PKD1L3: variants seen among roughly 807,000 people sequenced by gnomAD.
PKD1L3 encodes the protein polycystin-1-like protein 3.
A neutral mutation model predicts 184.1 loss-of-function variants in PKD1L3; 239 were observed. That is an observed-to-expected ratio of 1.30 (90% CI 1.17 to 1.45). PKD1L3 has a LOEUF of 1.45. PKD1L3 is among the 40% of genes most tolerant of loss of function. The pLI is 0.00. For synonymous variants in PKD1L3, 996 were observed against 778.8 expected, an observed-to-expected ratio of 1.28 and a Z score of -4.64; for missense variants, 2,660 against 2,067.2, an observed-to-expected ratio of 1.29 and a Z score of -5.56.
intron 12 of PKD1L3, among the ~76,000 whole-genome samples, chr16:71,970,492 T>A (rs893476639): frequency 8.5e-5 from 13 of 152,176 alleles, no homozygotes; most frequent in African/African-American, 3.1e-4. Flanking sequence ...GGCAAACTGA[T>A]TGAATTCTAT....
rs1460926634 is a variant in PKD1L3 at position 71,986,394 on chromosome 16, C to CA, written c.660_661insT (p.Ala221CysfsTer3). The CA allele has an allele frequency of 6.4e-7, 1 of 1,551,636 alleles. No homozygotes were observed. Among genetic ancestry groups the CA allele is most frequent in the African/African-American group, 1.4e-5 (1 of 73,028 alleles). ...AGAGGCTGGCTGCTGGGTTCAGATG[C>CA]GGCTGATGTTACCTGTGATGTGATA... On this transcript the variant is annotated frameshift_variant, in exon 5 of 30. Transcript: ENST00000620267. LOFTEE classifies it high-confidence loss of function.
At chr16:71,985,976 A>C (rs2040344696) in intron 5 of PKD1L3, among the ~76,000 whole-genome samples, 1 of 152,208 alleles carries the variant, frequency 6.6e-6, no homozygotes, top group African/African-American at 2.4e-5. Context: ...AGGTGAACAG[A>C]ACTTCTTCCC....
At chr16:71,931,371 A>G (rs1275153180) in intron 28 of PKD1L3, among the ~76,000 whole-genome samples, 1 of 151,810 alleles carries the variant, frequency 6.6e-6, no homozygotes, top group Non-Finnish European at 1.5e-5. Flanking sequence ...CAGGGCCCCC[A>G]CAGGTACCAA....
At chr16:71,943,552 A>AAAAC (rs1555514250) in intron 23 of PKD1L3, among the ~76,000 whole-genome samples, 8 of 151,784 alleles carry the variant, frequency 5.3e-5, no homozygotes, top group African/African-American at 1.7e-4. Flanking sequence ...AAAAAAAAAA[A>AAAAC]AAAAAACATA....
chr16:71,983,445 C>T (rs1210280086), intron 6 of PKD1L3, among the ~76,000 whole-genome samples: 3 of 152,174 alleles, frequency 2.0e-5, no homozygotes, highest in Admixed American at 6.6e-5. Context: ...ATGTGTTCCA[C>T]TGAATGCCGA....
In PKD1L3 at chr16:71,949,972, C is replaced by A. The variant is rs566227303; in HGVS notation, c.3429G>T (p.Lys1143Asn). The A allele has an allele frequency of 6.0e-5, 93 of 1,551,462 alleles. No homozygotes were observed. The highest frequency in any genetic ancestry group is 4.4e-5 in the Non-Finnish European group (50 of 1,147,012). ...FAILSSEEGK[K>N]PISNGLSKWL... ...ATTTGGACAGGCCATTTGAGATGGGCTTTTTTCCTTCTTCTGAGCTCAGGA... is the reference window on the plus strand; with the variant it reads ...ATTTGGACAGGCCATTTGAGATGGGATTTTTTCCTTCTTCTGAGCTCAGGA... Residue 1143 changes from lysine (K) to asparagine (N), a missense_variant, in exon 21 of 30, where the codon AAG becomes AAT. By Grantham distance (94) the Lys-to-Asn change is moderately conservative. Transcript: ENST00000620267.
intron 22 of PKD1L3, among the ~76,000 whole-genome samples, chr16:71,947,128 G>A (rs1229318944): frequency 6.6e-6 from 1 of 152,008 alleles, no homozygotes. Flanking sequence ...CATGGTGGCA[G>A]AGGCCTGTAA....
At chr16:71,988,120 T>A (rs533370848) in intron 4 of PKD1L3, among the ~76,000 whole-genome samples, 2 of 152,292 alleles carry the variant, frequency 1.3e-5, no homozygotes, top group South Asian at 4.1e-4. Context: ...GATCAACCAT[T>A]CTGTTGAGAA....
chr16:71,982,227 G>T lies in PKD1L3; in HGVS notation c.975C>A (p.Leu325=). 1.4e-6 allele frequency: 2 copies of T among 1,479,546 alleles called. No homozygotes were observed. The highest frequency in any genetic ancestry group is 1.8e-6 in the Non-Finnish European group (2 of 1,103,674). 91.7% of individuals were successfully genotyped at this position (1,479,546 alleles called of 1,614,324 possible). The part of the protein sequence containing the change: ...PRFSKPAQVN[L]INSLIYLSEE... Reference sequence around the variant, plus strand: ...CACTCAGGTAAATAAGGGAATTGATGAGATTAACCTGGGAGGATTAGAAAG... The same window carrying T: ...CACTCAGGTAAATAAGGGAATTGATTAGATTAACCTGGGAGGATTAGAAAG... Residue 325 remains leucine (L), a synonymous_variant, in exon 7 of 30, where the codon CTC becomes CTA. Transcript: ENST00000620267.
intron 5 of PKD1L3, among the ~76,000 whole-genome samples, chr16:71,985,845 C>T (rs867612054): frequency 3.3e-5 from 5 of 152,098 alleles, no homozygotes; most frequent in African/African-American, 4.8e-5. Context: ...GGATTATAGG[C>T]GTGACTCAGT....
intron 11 of PKD1L3, among the ~76,000 whole-genome samples, chr16:71,974,921 C>T (rs1018684283): frequency 3.2e-5 from 2 of 62,486 alleles, no homozygotes; most frequent in African/African-American, 1.1e-4. Flanking sequence ...ATGCTTTCTC[C>T]ATTCAGATTT....
intron 23 of PKD1L3, among the ~76,000 whole-genome samples, 193 bp downstream of exon 23, chr16:71,943,837 C>A (rs2038456065): frequency 6.6e-6 from 1 of 152,192 alleles, no homozygotes; most frequent in Non-Finnish European, 1.5e-5. Flanking sequence ...CACAATAAAA[C>A]CTCTAGACTC....
intron 7 of PKD1L3, 145 bp from the exon 8 acceptor site, chr16:71,980,279 A>C: frequency 1.4e-5 from 16 of 1,151,666 alleles, no homozygotes; most frequent in Non-Finnish European, 1.8e-5. Flanking sequence ...TTGGAATCTC[A>C]CAGAAAGTAC....
At chr16:71,957,493 A>G (rs1234805244) in intron 16 of PKD1L3, among the ~76,000 whole-genome samples, 1 of 152,158 alleles carries the variant, frequency 6.6e-6, no homozygotes, top group Non-Finnish European at 1.5e-5. Context: ...TGAAGACACA[A>G]ATGAATTGAA....
chr16:71,937,331 G>T lies in PKD1L3; in HGVS notation c.4413C>A (p.Val1471=). 2 of 1,551,574 alleles carry T rather than the reference G, an allele frequency of 1.3e-6. No homozygotes were observed. Among genetic ancestry groups the T allele is most frequent in the South Asian group, 2.4e-5 (2 of 84,034 alleles). Residue 1471 remains valine, a synonymous_variant, in exon 25 of 30, where the codon GTC becomes GTA. Transcript: ENST00000620267. ...KGCVWSIISQ[V]IYYLLVCYYA... ...AGTAACAGACCAGTAGATAATAGAT[G>T]ACTTGTGAGATGATAGACCAGACAC...
chr16:71,939,494 A>G (rs1320244164), intron 24 of PKD1L3, among the ~76,000 whole-genome samples: 1 of 152,244 alleles, frequency 6.6e-6, no homozygotes, highest in African/African-American at 2.4e-5. Context: ...CTTGTAGGTA[A>G]AAAAGACATT....
intron 9 of PKD1L3, among the ~76,000 whole-genome samples, chr16:71,979,449 AACAAAACAAAACAAAACAAG>A (rs763886004): frequency 8.8e-4 from 131 of 148,612 alleles, no homozygotes; most frequent in Admixed American, 1.1e-3. Flanking sequence ...ATCTCAACAA[AACAAAACAAAACAAAACAAG>A]ACAAAACAAA....
intron 16 of PKD1L3, among the ~76,000 whole-genome samples, chr16:71,960,618 T>A (rs895416362): frequency 2.6e-5 from 4 of 152,092 alleles, no homozygotes; most frequent in African/African-American, 9.7e-5. Flanking sequence ...ATAAAATATG[T>A]CTATACGGTA....
At position 71,943,016 on chromosome 16, in the gene PKD1L3, G is replaced by A. The variant is rs760295040; in HGVS notation, c.3868C>T (p.Leu1290Phe). ...KLTGDILVQILFLTLLMTAIY... is the reference protein window; with the variant it reads ...KLTGDILVQIFFLTLLMTAIY... ...GCAGTCATCAACAGGGTAAGGAAGA[G>A]GATTTGTACTTGTTTAGAAGAGGAA... The change falls in exon 24 of 30, where the codon CTC (leucine) becomes TTC (phenylalanine). Residue 1290 changes from leucine (L) to phenylalanine (F), a missense_variant. Transcript: ENST00000620267. The A allele has an allele frequency of 3.2e-6, 5 of 1,547,838 alleles. No individual in the cohort carries two copies. In the East Asian group the frequency reaches 7.3e-5, roughly 23 times the overall value.
Sources: allele counts gnomAD v4.1 joint callset (sites outside exome capture counted in the v4.1 genomes callset), GRCh38; gene constraint gnomAD v4.1.1; transcripts MANE v1.5; gene names NCBI Gene and HGNC (gene_info 2026-07-23, HGNC 2026-07-21).